The following ARMC8 variants were observed in gnomAD, a reference collection of about 807,000 sequenced individuals.
ARMC8 encodes armadillo repeat containing 8.
A neutral mutation model predicts 99.3 loss-of-function variants in ARMC8; 20 were observed. The ratio of observed to expected loss-of-function variants is 0.20; its 90% CI spans 0.14 to 0.29. ARMC8 has a LOEUF of 0.29. Ranked by LOEUF, ARMC8 falls within the 10% of genes least tolerant of loss-of-function variation. ARMC8 has a pLI of 1.00. For synonymous variants in ARMC8, 263 were observed against 278.3 expected, an observed-to-expected ratio of 0.95 and a Z score of 0.55; for missense variants, 569 against 809.5, an observed-to-expected ratio of 0.70 and a Z score of 3.60.
chr3:138,229,189 T>C (rs1383131222), intron 6 of ARMC8, 179 bp downstream of exon 6: 1 of 112,296 alleles, frequency 8.9e-6, no homozygotes, highest in Non-Finnish European at 1.7e-5. Flanking sequence ...TATATGTATA[T>C]GTATATGTAT....
chr3:138,187,891 T>A (rs2043158381), intron 1 of ARMC8: 4 of 473,874 alleles, frequency 8.4e-6, no homozygotes, highest in Non-Finnish European at 1.5e-5. Context: ...GCGGCGCGGC[T>A]TGGACTTTGC....
chr3:138,188,682 C>T (rs972107587), intron 1 of ARMC8: 1 of 1,008,150 alleles, frequency 9.9e-7, no homozygotes, highest in African/African-American at 1.6e-5. Flanking sequence ...GTAACTACAA[C>T]CGGTTTCTTT....
At chr3:138,234,205 G>A (rs985886621) in intron 6 of ARMC8, among the ~76,000 whole-genome samples, 109 of 151,782 alleles carry the variant, frequency 7.2e-4, no homozygotes, top group African/African-American at 2.5e-3. Flanking sequence ...TCCGCCTCCC[G>A]GGTTCAAGCA....
At chr3:138,231,708 C>T (rs1478556528) in intron 6 of ARMC8, among the ~76,000 whole-genome samples, 1 of 151,694 alleles carries the variant, frequency 6.6e-6, no homozygotes, top group Admixed American at 6.6e-5. Context: ...GCGAGAGGAT[C>T]CCAAGCGAGA....
At chr3:138,277,556 A>C (rs1191623668) in intron 18 of ARMC8, among the ~76,000 whole-genome samples, 3 of 152,216 alleles carry the variant, frequency 2.0e-5, no homozygotes, top group African/African-American at 7.2e-5. Flanking sequence ...ACAAGAAAAC[A>C]ACCAAACATA....
chr3:138,242,104 A>T (rs2046653313), intron 11 of ARMC8, 121 bp downstream of exon 11: 2 of 742,308 alleles, frequency 2.7e-6, no homozygotes, highest in Non-Finnish European at 4.3e-6. Context: ...AGGTTCTTTT[A>T]TCTTTGGTAA....
intron 1 of ARMC8, among the ~76,000 whole-genome samples, chr3:138,205,060 CTTTTTTTTTTTTTTTTT>C (rs71146118): frequency 1.1e-5 from 1 of 93,284 alleles, no homozygotes; most frequent in East Asian, 3.1e-4. Context: ...CTTTTCTTTT[CTTTTTTTTTTTTTTTTT>C]TTTTTTTTTG....
At chr3:138,212,408 C>G (rs1283680728) in intron 2 of ARMC8, among the ~76,000 whole-genome samples, 1 of 150,396 alleles carries the variant, frequency 6.6e-6, no homozygotes, top group African/African-American at 2.5e-5. Flanking sequence ...CTCCCGGGTT[C>G]AAATAATTCT....
chr3:138,194,296 G>A (rs1377992031), intron 1 of ARMC8, among the ~76,000 whole-genome samples: 1 of 149,664 alleles, frequency 6.7e-6, no homozygotes, highest in Non-Finnish European at 1.5e-5. Context: ...GCCCGCCGCG[G>A]CCTCCCAAAA....
At chr3:138,237,683 G>T (rs1270336160) in intron 9 of ARMC8, 111 bp downstream of exon 9, 1 of 862,532 alleles carries the variant, frequency 1.2e-6, no homozygotes, top group Non-Finnish European at 1.8e-6. Flanking sequence ...TTGAGATTTT[G>T]AAATTTGAAA....
At chr3:138,259,844 A>G (rs991709510) in intron 12 of ARMC8, among the ~76,000 whole-genome samples, 1 of 152,200 alleles carries the variant, frequency 6.6e-6, no homozygotes, top group Non-Finnish European at 1.5e-5. Flanking sequence ...ATTGAGCCCT[A>G]ATGTTTTTCC....
intron 7 of ARMC8, 114 bp from the exon 8 acceptor site, chr3:138,237,195 G>A (rs890527900): frequency 1.2e-6 from 1 of 856,286 alleles, no homozygotes; most frequent in African/African-American, 1.7e-5. Context: ...TTTGAGGCCT[G>A]TTAGTATTTT....
At chr3:138,241,199 T>G (rs935205401) in intron 10 of ARMC8, among the ~76,000 whole-genome samples, 1 of 152,234 alleles carries the variant, frequency 6.6e-6, no homozygotes, top group African/African-American at 2.4e-5. Context: ...AGCAAGTTAC[T>G]GGGAAAACCT....
intron 2 of ARMC8, among the ~76,000 whole-genome samples, chr3:138,218,952 G>T (rs1485232930): frequency 6.6e-6 from 1 of 152,094 alleles, no homozygotes; most frequent in Non-Finnish European, 1.5e-5. Flanking sequence ...GAAGGAAAAA[G>T]AAAATGAATT....
chr3:138,201,020 C>A (rs1365755449), intron 1 of ARMC8, among the ~76,000 whole-genome samples: 2 of 140,528 alleles, frequency 1.4e-5, no homozygotes, highest in African/African-American at 2.6e-5. Context: ...TCAAACGATT[C>A]TCCTGCCTCA....
intron 12 of ARMC8, among the ~76,000 whole-genome samples, chr3:138,255,660 G>C (rs1332626084): frequency 6.6e-6 from 1 of 152,128 alleles, no homozygotes; most frequent in Non-Finnish European, 1.5e-5. Flanking sequence ...TGTTCTAAGA[G>C]AAACTGAACA....
chr3:138,211,225 G>A (rs1209907695), intron 2 of ARMC8, among the ~76,000 whole-genome samples: 1 of 152,118 alleles, frequency 6.6e-6, no homozygotes, highest in Non-Finnish European at 1.5e-5. Flanking sequence ...TAACCAGATA[G>A]CTCCGTATAT....
intron 5 of ARMC8, among the ~76,000 whole-genome samples, chr3:138,225,578 G>A (rs1371954064): frequency 2.6e-5 from 4 of 152,160 alleles, no homozygotes; most frequent in African/African-American, 2.4e-5. Flanking sequence ...TTGTGTATGT[G>A]TGTGTATATA....
intron 12 of ARMC8, among the ~76,000 whole-genome samples, chr3:138,261,041 C>T (rs541508074): frequency 6.6e-6 from 1 of 152,266 alleles, no homozygotes; most frequent in African/African-American, 2.4e-5. Flanking sequence ...CTTTTGTTTC[C>T]TTCCCATATT....
Sources: gnomAD v4.1 joint callset for allele counts (sites outside exome capture counted in the v4.1 genomes callset) on GRCh38, gnomAD v4.1.1 for gene constraint, MANE v1.5 for transcripts, NCBI Gene and HGNC (gene_info 2026-07-23, HGNC 2026-07-21) for gene names.